The following HLA-DPB1 variants were observed in gnomAD, a reference collection of about 807,000 sequenced individuals.
The protein encoded by HLA-DPB1 is major histocompatibility complex, class II, DP beta 1.
In HLA-DPB1, 30 loss-of-function variants were observed where a neutral mutation model predicts 29.4. The ratio of observed to expected loss-of-function variants is 1.02; its 90% confidence interval spans 0.76 to 1.38. The LOEUF (loss-of-function observed/expected upper bound fraction) is 1.38. Among genes scored for constraint, HLA-DPB1 ranks in the 40% most tolerant of loss-of-function variants. HLA-DPB1 has a pLI of 0.00. For synonymous variants in HLA-DPB1, 114 were observed against 134.0 expected (o/e 0.85, Z 1.03); for missense variants, 261 against 327.5 (o/e 0.80, Z 1.57).
At chr6:33,077,174 GT>G (rs1345496884) in intron 1 of HLA-DPB1, among the ~76,000 whole-genome samples, 5 of 149,836 alleles carry the variant, frequency 3.3e-5, no homozygotes, top group Non-Finnish European at 5.9e-5. Flanking sequence ...GTGGTCTTTG[GT>G]TTTTTGTCCT....
chr6:33,076,932 A>G (rs1762567093), intron 1 of HLA-DPB1, among the ~76,000 whole-genome samples: 3 of 151,916 alleles, frequency 2.0e-5, no homozygotes, highest in Non-Finnish European at 2.9e-5. Context: ...TTTTATATAT[A>G]TATATACTTT....
chr6:33,080,526 C>T lies in HLA-DPB1; in HGVS notation c.101-146C>T, dbSNP rs1157893108. 1.2e-5 allele frequency: 14 copies of T among 1,201,686 alleles called. No homozygotes were observed. In the South Asian group the frequency reaches 1.8e-4, roughly 16 times the overall value. The allele number at this position is 1,201,686 out of a possible 1,614,324, so 74.4% of individuals were successfully genotyped here. On this transcript the variant is annotated intron_variant, in intron 1 of 5. Coordinates refer to ENST00000418931, the MANE Select transcript of HLA-DPB1 (RefSeq NM_002121.6). This position sits in a 1 kb window ranked among gnomAD's most constrained non-coding sequence, Gnocchi z 4.3. ...AGGCTCTGCGACCCGCTTAGGACCACAGAACTCGGTACTAGGAAAACTCCT... is the reference window on the plus strand; with the variant it reads ...AGGCTCTGCGACCCGCTTAGGACCATAGAACTCGGTACTAGGAAAACTCCT...
intron 4 of HLA-DPB1, 134 bp downstream of exon 4, chr6:33,086,023 A>G (rs955740634): frequency 1.3e-6 from 1 of 768,262 alleles, no homozygotes; most frequent in Non-Finnish European, 2.2e-6. Flanking sequence ...TCGGGGAACA[A>G]ACATGACCTA....
In HLA-DPB1 at chr6:33,081,245, A is replaced by ATGGAGG. The variant is rs757328245; in HGVS notation, c.364+316_364+321dup. 3.4e-4 allele frequency: 128 copies of ATGGAGG among 376,340 alleles called. 1 individual carries two copies. Among genetic ancestry groups the ATGGAGG allele is most frequent in the Middle Eastern group, 1.9e-3 (3 of 1,564 alleles). The allele number at this position is 376,340 out of a possible 1,614,324, so 23.3% of individuals were successfully genotyped here. ...CAGCGCACAAGGGTATGGTGTGGAG[A>ATGGAGG]TGGAGGTGGAGATGGCACAGCAGGC... On this transcript the variant is annotated intron_variant, in intron 2 of 5. Coordinates refer to ENST00000418931, the MANE Select transcript of HLA-DPB1 (RefSeq NM_002121.6).
At chr6:33,086,142 G>A in intron 4 of HLA-DPB1, 77 bp from the exon 5 acceptor site, 1 of 1,278,038 alleles carries the variant, frequency 7.8e-7, no homozygotes, top group Non-Finnish European at 1.1e-6. Context: ...ATGGAATTTG[G>A]TGGGATGGAA....
At chr6:33,084,694 G>A (rs1299605909) in intron 2 of HLA-DPB1, among the ~76,000 whole-genome samples, 1 of 152,044 alleles carries the variant, frequency 6.6e-6, no homozygotes, top group Non-Finnish European at 1.5e-5. Flanking sequence ...AGCTATTCGG[G>A]AGGCTGAGGA....
At chr6:33,086,496 A>T in intron 5 of HLA-DPB1, 43 bp from the exon 6 acceptor site, 1 of 684,006 alleles carries the variant, frequency 1.5e-6, no homozygotes. Flanking sequence ...ACTTACAGGA[A>T]GGAGGCTGGC....
In HLA-DPB1 at chr6:33,080,984, G is replaced by A. The variant is rs1316062730; in HGVS notation, c.364+49G>A. On this transcript the variant is annotated intron_variant, in intron 2 of 5. Coordinates refer to ENST00000418931, the MANE Select transcript of HLA-DPB1 (RefSeq NM_002121.6). This position sits in a 1 kb window ranked among gnomAD's most constrained non-coding sequence, Gnocchi z 4.3. The stretch of plus-strand genomic sequence containing the variant: ...GGTCCCAGGGCAGCCCCGCGGGCCC[G>A]TGCCCAGGGCGCAGGAGCAGCCGGG... The A allele has an allele frequency of 6.6e-7, 1 of 1,514,598 alleles. No individual in the cohort carries two copies. The highest frequency in any genetic ancestry group is 8.8e-7 in the Non-Finnish European group (1 of 1,136,890). 93.8% of individuals were successfully genotyped at this position (1,514,598 alleles called of 1,614,324 possible).
chr6:33,088,584 C>T lies in HLA-DPB1; in HGVS notation c.*2050C>T, dbSNP rs1763216518. 1.3e-5 allele frequency among the ~76,000 whole-genome samples: 2 copies of T among 151,494 alleles called. No individual in the cohort carries two copies. Among genetic ancestry groups the T allele is most frequent in the South Asian group, 4.2e-4 (2 of 4,804 alleles). On this transcript the variant is annotated 3_prime_UTR_variant, in exon 6 of 6. Coordinates refer to ENST00000418931, the MANE Select transcript of HLA-DPB1 (RefSeq NM_002121.6). ...GGAAGGATGCAGTGCAGAGACAGGT[C>T]CCAGAGGAGACAAGAGCTGAGAGAC...
At position 33,085,767 on chromosome 6, in the gene HLA-DPB1, T is replaced by A. The variant is rs767258196; in HGVS notation, c.647-12T>A. ...GTGGAGGTGACACTAAACCTGGGTC[T>A]GTCCTTCCCAGAGGCACAGTCTGAT... is the stretch of plus-strand genomic sequence containing the variant. On this transcript the variant is annotated splice_polypyrimidine_tract_variant and intron_variant, in intron 3 of 5. Coordinates refer to ENST00000418931, the MANE Select transcript of HLA-DPB1 (RefSeq NM_002121.6). The A allele has an allele frequency of 1.9e-6, 3 of 1,598,576 alleles. No individual in the cohort carries two copies. The highest frequency in any genetic ancestry group is 2.6e-6 in the Non-Finnish European group (3 of 1,166,190).
At chr6:33,086,096 T>G in intron 4 of HLA-DPB1, 123 bp from the exon 5 acceptor site, 1 of 952,102 alleles carries the variant, frequency 1.1e-6, no homozygotes, top group South Asian at 1.4e-5. Flanking sequence ...TCCCAAGTAC[T>G]CAGGCTCCTG....
Position 33,089,001 on chromosome 6 carries a change from G to A in HLA-DPB1, c.*2467G>A, listed in dbSNP as rs1763238297. Among the ~76,000 whole-genome samples the A allele has an allele frequency of 6.6e-6, 1 of 152,016 alleles. No individual in the cohort carries two copies. Among genetic ancestry groups the A allele is most frequent in the Admixed American group, 6.6e-5 (1 of 15,266 alleles). On this transcript the variant is annotated 3_prime_UTR_variant, in exon 6 of 6. Coordinates refer to ENST00000418931, the MANE Select transcript of HLA-DPB1 (RefSeq NM_002121.6). ...CCCAACAGACAACACTGCCTCAGAT[G>A]GTTATCAAGGGGTACCCTAAGAAGA... is the stretch of plus-strand genomic sequence containing the variant.
chr6:33,086,753 A>G lies in HLA-DPB1; in HGVS notation c.*219A>G, dbSNP rs2150379381. The G allele has an allele frequency of 2.7e-6, 1 of 368,284 alleles. No homozygotes were observed. Among genetic ancestry groups the G allele is most frequent in the South Asian group, 2.3e-5 (1 of 44,138 alleles). The allele number at this position is 368,284 out of a possible 1,614,324, so 22.8% of individuals were successfully genotyped here. A position where few individuals can be genotyped will look rare whatever the true frequency, so the allele number is the denominator to read the frequency against. The stretch of plus-strand genomic sequence containing the variant: ...CATGTTCCCTTCTTCTTAGCACCAC[A>G]AATAATCAAAACCCAACATGACTGT... On this transcript the variant is annotated 3_prime_UTR_variant, in exon 6 of 6. Coordinates refer to ENST00000418931, the MANE Select transcript of HLA-DPB1 (RefSeq NM_002121.6).
intron 5 of HLA-DPB1, 95 bp from the exon 6 acceptor site, chr6:33,086,444 C>T: frequency 1.4e-6 from 1 of 708,100 alleles, no homozygotes; most frequent in Non-Finnish European, 2.6e-6. Flanking sequence ...TGTTATTTAT[C>T]AGCCTGAGAC....
intron 2 of HLA-DPB1, among the ~76,000 whole-genome samples, chr6:33,081,826 A>G (rs1762882886): frequency 6.6e-6 from 1 of 152,046 alleles, no homozygotes; most frequent in Admixed American, 6.6e-5. Context: ...GTCTGGGTGT[A>G]AAGGGATGGA....
At chr6:33,084,442 TTC>T (rs1763005236) in intron 2 of HLA-DPB1, among the ~76,000 whole-genome samples, 2 of 152,198 alleles carry the variant, frequency 1.3e-5, no homozygotes, top group African/African-American at 2.4e-5. Context: ...AATCACATTA[TTC>T]CTATTTTCAA....
Position 33,084,849 on chromosome 6 carries a change from A to AGAAGG in HLA-DPB1, c.365-101_365-100insGAAGG, listed in dbSNP as rs1562156684. ...AAAGAGCGAGATTATGTCTCAAAAA[A>AGAAGG]AAGGAAGGAAGGAAGGAAGGAAGGA... On this transcript the variant is annotated intron_variant, in intron 2 of 5. Coordinates refer to ENST00000418931, the MANE Select transcript of HLA-DPB1 (RefSeq NM_002121.6). 1.4e-5 allele frequency: 9 copies of AGAAGG among 663,376 alleles called. 1 individual carries two copies. The African/African-American group carries it at 2.1e-4, about 15-fold the overall frequency. 41.1% of individuals were successfully genotyped at this position (663,376 alleles called of 1,614,324 possible). A position where few individuals can be genotyped will look rare whatever the true frequency, so the allele number is the denominator to read the frequency against.
Position 33,085,838 on chromosome 6 carries a change from G to A in HLA-DPB1, c.706G>A (p.Gly236Arg), listed in dbSNP as rs747760493. The change falls in exon 4 of 6, where the codon GGG (glycine) becomes AGG (arginine). Residue 236 changes from glycine to arginine, a missense_variant. Physicochemically the swap from Gly to Arg is moderately radical, Grantham distance 125. Transcript: ENST00000418931. The stretch of plus-strand genomic sequence containing the variant: ...GACGGGAGCTGGGGGCTTCGTGCTG[G>A]GGCTCATCATCTGTGGAGTGGGCAT... ...TLTGAGGFVL[G>R]LIICGVGIFM... 1.5e-5 allele frequency: 25 copies of A among 1,613,882 alleles called. No homozygotes were observed. Among genetic ancestry groups the A allele is most frequent in the Non-Finnish European group, 2.1e-5 (25 of 1,179,994 alleles).
chr6:33,086,411 C>G, intron 5 of HLA-DPB1, 128 bp from the exon 6 acceptor site: 1 of 738,194 alleles, frequency 1.4e-6, no homozygotes, highest in South Asian at 1.4e-5. Context: ...GGCTCCATTG[C>G]TGAAGGAAGC....
Sources: allele counts gnomAD v4.1 joint callset (sites outside exome capture counted in the v4.1 genomes callset), GRCh38; gene constraint gnomAD v4.1.1; non-coding constraint Gnocchi (gnomAD v3.1); transcripts MANE v1.5; gene names NCBI Gene and HGNC (gene_info 2026-07-23, HGNC 2026-07-21).